Variants in SRL observed in about 807,000 individuals in gnomAD.
SRL encodes the protein sarcalumenin.
A neutral mutation model predicts 39.5 loss-of-function variants in SRL; 23 were observed. That is an observed-to-expected ratio of 0.58 (90% CI 0.42 to 0.82). The LOEUF is 0.82. Among genes scored for constraint, SRL ranks in the 40% least tolerant of loss-of-function variants. The probability of loss-of-function intolerance (pLI) is 0.00; values close to 1 mark genes in which losing one functional copy is unlikely to be tolerated. For synonymous variants in SRL, 272 were observed against 237.4 expected (o/e 1.15, Z -1.34); for missense variants, 592 against 607.8 (o/e 0.97, Z 0.27).
intron 4 of SRL, among the ~76,000 whole-genome samples, chr16:4,197,083 T>TTTGTGTG (rs1555453611): frequency 2.9e-5 from 2 of 69,852 alleles, no homozygotes; most frequent in African/African-American, 1.1e-4. Flanking sequence ...TTTTTTTTTT[T>TTTGTGTG]TGTGAGACAG....
intron 1 of SRL, among the ~76,000 whole-genome samples, chr16:4,237,056 C>A (rs953776230): frequency 6.6e-6 from 1 of 152,064 alleles, no homozygotes. Flanking sequence ...ATCCTCCTGC[C>A]TCAACCTCCC....
In SRL at chr16:4,232,589, C is replaced by T. The variant is rs1490698234; in HGVS notation, c.61+9418G>A. On this transcript the variant is annotated intron_variant, in intron 1 of 5. Transcript: ENST00000399609. ...GCACTGGCACAATTACAGTTCACCG[C>T]AGCCATGACCTCCCGGGCTCAAGAG... is the stretch of plus-strand genomic sequence containing the variant. Among the ~76,000 whole-genome samples the T allele has an allele frequency of 4.6e-5, 7 of 152,222 alleles. No individual in the cohort carries two copies. The East Asian group carries it at 1.4e-3, about 29-fold the overall frequency.
At chr16:4,216,649 T>C (rs2052463642) in intron 1 of SRL, among the ~76,000 whole-genome samples, 1 of 152,120 alleles carries the variant, frequency 6.6e-6, no homozygotes, top group Non-Finnish European at 1.5e-5. Context: ...AGTCAATCAC[T>C]AGCAGGGATA....
intron 1 of SRL, chr16:4,239,512 G>A (rs532601616): frequency 5.2e-4 from 79 of 152,428 alleles, no homozygotes; most frequent in African/African-American, 1.9e-3. Flanking sequence ...GAAATGAAAT[G>A]CTTTCTCAGC....
chr16:4,220,276 A>AAAACACAC (rs2052507782), intron 1 of SRL, among the ~76,000 whole-genome samples: 1 of 44,670 alleles, frequency 2.2e-5, no homozygotes, highest in Non-Finnish European at 4.6e-5. Context: ...TGTCTCTACT[A>AAAACACAC]AAACACACAC....
chr16:4,191,694 G>A lies in SRL; in HGVS notation c.*459C>T, dbSNP rs138854238. The A allele has an allele frequency of 4.5e-3, 725 of 159,920 alleles. 15 individuals are homozygous for A. The highest frequency in any genetic ancestry group is 0.015 in the African/African-American group (648 of 41,822). The allele number at this position is 159,920 out of a possible 1,614,324, so 9.9% of individuals were successfully genotyped here. On this transcript the variant is annotated 3_prime_UTR_variant, in exon 6 of 6. Coordinates refer to ENST00000399609, the MANE Select transcript of SRL (RefSeq NM_001098814.2). ...GTCAACCCAAAGTTAAGAGGCAGCCGAGGGCTGGGGAACAAACGCGAGACT... is the reference window on the plus strand; with the variant it reads ...GTCAACCCAAAGTTAAGAGGCAGCCAAGGGCTGGGGAACAAACGCGAGACT...
Position 4,215,327 on chromosome 16 carries a change from A to G in SRL, c.62-10693T>C, listed in dbSNP as rs2052445168. On this transcript the variant is annotated intron_variant, in intron 1 of 5. Coordinates refer to ENST00000399609, the MANE Select transcript of SRL (RefSeq NM_001098814.2). ...TAAAGTCAAGGCTAATCCCACTGGG[A>G]CAGCTTGTCCCTGGCTGGACTCTAG... is the stretch of plus-strand genomic sequence containing the variant. 2.6e-5 allele frequency among the ~76,000 whole-genome samples: 4 copies of G among 152,344 alleles called. No individual in the cohort carries two copies. The South Asian group carries it at 8.3e-4, about 32-fold the overall frequency.
chr16:4,241,872 A>C, intron 1 of SRL, 135 bp downstream of exon 1: 1 of 867,672 alleles, frequency 1.2e-6, no homozygotes, highest in Non-Finnish European at 1.8e-6. Flanking sequence ...GGAAAAGAGA[A>C]GGGTAAGAAG....
intron 1 of SRL, among the ~76,000 whole-genome samples, chr16:4,234,842 G>C (rs566257212): frequency 8.5e-5 from 13 of 152,364 alleles, no homozygotes; most frequent in African/African-American, 3.1e-4. Flanking sequence ...TCTGCGCTCA[G>C]AACCGGTGAA....
chr16:4,222,593 A>T (rs1002983726), intron 1 of SRL, among the ~76,000 whole-genome samples: 2 of 151,696 alleles, frequency 1.3e-5, no homozygotes, highest in Non-Finnish European at 2.9e-5. Context: ...TTTTCTTTTA[A>T]CCTGTGTCCC....
At chr16:4,204,275 C>T (rs1218300412) in intron 2 of SRL, among the ~76,000 whole-genome samples, 2 of 152,202 alleles carry the variant, frequency 1.3e-5, no homozygotes, top group Non-Finnish European at 1.5e-5. Context: ...AGGCCGTCTA[C>T]TTGGATGGCC....
intron 1 of SRL, among the ~76,000 whole-genome samples, chr16:4,224,936 T>A (rs923022275): frequency 2.0e-5 from 3 of 152,198 alleles, no homozygotes; most frequent in African/African-American, 4.8e-5. Flanking sequence ...CGCTTCCACC[T>A]GCTACAACAC....
chr16:4,204,439 G>T, intron 2 of SRL, 94 bp downstream of exon 2: 3 of 1,147,956 alleles, frequency 2.6e-6, no homozygotes, highest in Non-Finnish European at 1.3e-6. Context: ...ATACAGCCCC[G>T]GCACGCCCTG....
At position 4,228,592 on chromosome 16, in the gene SRL, A is replaced by G. The variant is rs367832488; in HGVS notation, c.61+13415T>C. Among the ~76,000 whole-genome samples, 28 of 150,106 alleles carry G rather than the reference A, an allele frequency of 1.9e-4. No homozygotes were observed. The East Asian group carries it at 3.2e-3, about 17-fold the overall frequency. On this transcript the variant is annotated intron_variant, in intron 1 of 5. Transcript: ENST00000399609. ...CTACTAAAAATACAAAAAATTAGTC[A>G]GGCGTGGTGGCGGGCACCTGTAGTC...
At chr16:4,241,858 C>G in intron 1 of SRL, 149 bp downstream of exon 1, 1 of 800,510 alleles carries the variant, frequency 1.2e-6, no homozygotes, top group South Asian at 1.8e-5. Context: ...GGCCCCAGGC[C>G]CGGGGAAAAG....
chr16:4,219,899 C>T (rs2052502005), intron 1 of SRL, among the ~76,000 whole-genome samples: 1 of 151,960 alleles, frequency 6.6e-6, no homozygotes, highest in Non-Finnish European at 1.5e-5. Flanking sequence ...CAGTTGGTTC[C>T]ATGAGGGCTG....
chr16:4,202,185 G>A (rs896550441), intron 3 of SRL, among the ~76,000 whole-genome samples: 1 of 152,194 alleles, frequency 6.6e-6, no homozygotes, highest in Non-Finnish European at 1.5e-5. Flanking sequence ...TCACCTAACA[G>A]GATCCCATGT....
chr16:4,214,471 C>G (rs2141047228), intron 1 of SRL, among the ~76,000 whole-genome samples: 1 of 152,306 alleles, frequency 6.6e-6, no homozygotes, highest in South Asian at 2.1e-4. Flanking sequence ...TTCATCTGTC[C>G]CAGAGAGTGA....
At chr16:4,222,093 C>T (rs1450290916) in intron 1 of SRL, among the ~76,000 whole-genome samples, 2 of 152,196 alleles carry the variant, frequency 1.3e-5, no homozygotes, top group Non-Finnish European at 2.9e-5. Context: ...TAACAGGTCC[C>T]CCAATAGCCC....
Sources: allele counts gnomAD v4.1 joint callset (sites outside exome capture counted in the v4.1 genomes callset), GRCh38; gene constraint gnomAD v4.1.1; transcripts MANE v1.5; gene names NCBI Gene and HGNC (gene_info 2026-07-23, HGNC 2026-07-21).